Variants in DMRT1 observed in about 807,000 individuals in gnomAD.
The protein encoded by DMRT1 is doublesex- and mab-3-related transcription factor 1.
A neutral mutation model predicts 32.3 loss-of-function variants in DMRT1; 7 were observed. That is an observed-to-expected ratio of 0.22 (90% CI 0.12 to 0.41). The LOEUF (loss-of-function observed/expected upper bound fraction) is 0.41. DMRT1 is among the 10% of genes least tolerant of loss of function. The pLI is 1.00. For synonymous variants in DMRT1, 278 were observed against 206.1 expected (o/e 1.35, Z -2.99); for missense variants, 625 against 500.5 (o/e 1.25, Z -2.37).
At chr9:859,419 A>C (rs1212199752) in intron 2 of DMRT1, among the ~76,000 whole-genome samples, 2 of 152,140 alleles carry the variant, frequency 1.3e-5, no homozygotes, top group African/African-American at 2.4e-5. Flanking sequence ...AAGGAAGTGG[A>C]GTAGGGGTGC....
Position 882,349 on chromosome 9 carries a change from C to A in DMRT1, c.539-11563C>A, listed in dbSNP as rs190180150. 1.5e-3 allele frequency among the ~76,000 whole-genome samples: 231 copies of A among 152,328 alleles called. 1 individual carries two copies. The highest frequency in any genetic ancestry group is 5.1e-3 in the African/African-American group (214 of 41,582). Reference sequence around the variant, plus strand: ...TGCTCTACCTGCTCTGCAGGCTCTTCTCTTAACCTTACTTGTGCCTCGAAG... The same window carrying A: ...TGCTCTACCTGCTCTGCAGGCTCTTATCTTAACCTTACTTGTGCCTCGAAG... On this transcript the variant is annotated intron_variant, in intron 2 of 4. Transcript: ENST00000382276.
At chr9:945,145 G>GTCTT (rs765703353) in intron 4 of DMRT1, among the ~76,000 whole-genome samples, 119 of 152,134 alleles carry the variant, frequency 7.8e-4, no homozygotes, top group Non-Finnish European at 1.1e-3. Context: ...TAATGTTTTT[G>GTCTT]TCTTTCTTTC....
chr9:964,518 C>G (rs989705805), intron 4 of DMRT1, among the ~76,000 whole-genome samples: 4 of 152,040 alleles, frequency 2.6e-5, no homozygotes, highest in African/African-American at 7.3e-5. Context: ...CTTTTCCTTA[C>G]TTTTCAGTCT....
chr9:895,701 A>T (rs555060847), intron 3 of DMRT1, among the ~76,000 whole-genome samples: 23 of 152,002 alleles, frequency 1.5e-4, no homozygotes, highest in African/African-American at 5.6e-4. Flanking sequence ...AACACTTAAG[A>T]TCTACTCTAT....
intron 2 of DMRT1, among the ~76,000 whole-genome samples, chr9:850,095 A>T (rs772860057): frequency 9.2e-5 from 14 of 152,210 alleles, no homozygotes; most frequent in Non-Finnish European, 1.5e-4. Flanking sequence ...CTGGGATTAC[A>T]GGCGTGAGCC....
At chr9:866,947 T>C (rs1816018054) in intron 2 of DMRT1, among the ~76,000 whole-genome samples, 1 of 152,174 alleles carries the variant, frequency 6.6e-6, no homozygotes, top group South Asian at 2.1e-4. Flanking sequence ...TTGTTAGCTT[T>C]GGGTGTGCTA....
intron 3 of DMRT1, among the ~76,000 whole-genome samples, chr9:909,026 T>G (rs1213440766): frequency 6.6e-6 from 1 of 152,150 alleles, no homozygotes; most frequent in Non-Finnish European, 1.5e-5. Context: ...TTACAAAGGC[T>G]GAGTCCTCAC....
At chr9:868,111 G>C (rs972984572) in intron 2 of DMRT1, among the ~76,000 whole-genome samples, 1 of 152,172 alleles carries the variant, frequency 6.6e-6, no homozygotes, top group Non-Finnish European at 1.5e-5. Context: ...CTGATTAGCT[G>C]GGACTACAGG....
At chr9:940,068 T>G (rs1819012860) in intron 4 of DMRT1, among the ~76,000 whole-genome samples, 1 of 151,472 alleles carries the variant, frequency 6.6e-6, no homozygotes, top group Admixed American at 6.6e-5. Context: ...ACAACAAGAG[T>G]TGGGAAGGAT....
chr9:921,858 C>T (rs1037439170), intron 4 of DMRT1, among the ~76,000 whole-genome samples: 2 of 152,108 alleles, frequency 1.3e-5, no homozygotes, highest in African/African-American at 4.8e-5. Context: ...GGTGACAGAG[C>T]GAAACCCTGA....
Position 842,134 on chromosome 9 carries a change from A to T in DMRT1, c.296A>T (p.Asp99Val). The change falls in exon 1 of 5, where the codon GAC (aspartate) becomes GTC (valine). Residue 99 changes from aspartate to valine, a missense_variant. Transcript: ENST00000382276. The stretch of plus-strand genomic sequence containing the variant: ...CACAAGCGCTTCTGCATGTGGCGCG[A>T]CTGCCAGTGCAAGAAGTGCAACCTG... Reference protein sequence around the residue: ...KGHKRFCMWRDCQCKKCNLIA... With the variant: ...KGHKRFCMWRVCQCKKCNLIA... 1 of 1,547,868 alleles carries T rather than the reference A, an allele frequency of 6.5e-7. No homozygotes were observed. Among genetic ancestry groups the T allele is most frequent in the East Asian group, 2.4e-5 (1 of 41,442 alleles).
chr9:968,026 C>T lies in DMRT1; in HGVS notation c.1009C>T (p.Leu337Phe), dbSNP rs763908716. The T allele has an allele frequency of 1.2e-6, 2 of 1,614,136 alleles. No homozygotes were observed. The highest frequency in any genetic ancestry group is 4.5e-5 in the East Asian group (2 of 44,886). ...PSSQDSGLVS[L>F]SSSSPISNKS... is the part of the protein sequence containing the mutation. ...CAGTCAAGATTCTGGCTTGGTTTCC[C>T]TCTCGAGCAGCTCTCCTATTAGTAA... Residue 337 changes from leucine to phenylalanine, a missense_variant, in exon 5 of 5, where the codon CTC (leucine) becomes TTC (phenylalanine). Physicochemically the swap from Leu to Phe is conservative, Grantham distance 22. This residue lies in a region of DMRT1 where 416 missense variants were observed against 321.6 expected (regional missense o/e 1.29). Transcript: ENST00000382276.
chr9:844,715 CTTTCTTT>C (rs1362177188), intron 1 of DMRT1, among the ~76,000 whole-genome samples: 2 of 135,698 alleles, frequency 1.5e-5, no homozygotes, highest in African/African-American at 2.8e-5. Context: ...TTCTTTCTTT[CTTTCTTT>C]TTTTTTTTTT....
At chr9:895,919 C>G (rs905088544) in intron 3 of DMRT1, among the ~76,000 whole-genome samples, 2 of 151,684 alleles carry the variant, frequency 1.3e-5, no homozygotes, top group African/African-American at 2.4e-5. Context: ...ATTCTCCTGC[C>G]TCAGCCTCCC....
intron 4 of DMRT1, among the ~76,000 whole-genome samples, chr9:932,115 G>A (rs905575113): frequency 6.6e-6 from 1 of 152,110 alleles, no homozygotes; most frequent in African/African-American, 2.4e-5. Flanking sequence ...CCCCACTCAC[G>A]GGAACACTTT....
chr9:906,031 CCA>C (rs3084882), intron 3 of DMRT1, among the ~76,000 whole-genome samples: 6 of 19,200 alleles, frequency 3.1e-4, no homozygotes, highest in Non-Finnish European at 6.0e-4. Context: ...ACACACACAC[CCA>C]CACACACACA....
At chr9:854,818 T>C (rs1815322744) in intron 2 of DMRT1, among the ~76,000 whole-genome samples, 1 of 147,840 alleles carries the variant, frequency 6.8e-6, no homozygotes, top group Admixed American at 6.9e-5. Flanking sequence ...CAGGCTGGAG[T>C]GCAGTGGCAT....
intron 2 of DMRT1, among the ~76,000 whole-genome samples, chr9:868,055 G>T (rs1816068870): frequency 6.6e-6 from 1 of 152,156 alleles, no homozygotes; most frequent in African/African-American, 2.4e-5. Context: ...ACAGCTCACT[G>T]CAGCCTTGAC....
At chr9:877,150 T>C (rs889262317) in intron 2 of DMRT1, among the ~76,000 whole-genome samples, 4 of 152,262 alleles carry the variant, frequency 2.6e-5, no homozygotes, top group African/African-American at 9.6e-5. Flanking sequence ...TCACCTTCCC[T>C]GACTTTGGTA....
Sources: allele counts gnomAD v4.1 joint callset (sites outside exome capture counted in the v4.1 genomes callset), GRCh38; gene constraint gnomAD v4.1.1; regional missense constraint gnomAD v4.1.1; transcripts MANE v1.5; gene names NCBI Gene and HGNC (gene_info 2026-07-23, HGNC 2026-07-21).